NRG1: variants seen among roughly 807,000 people sequenced by gnomAD.
NRG1 encodes the protein neuregulin 1, also known as pro-neuregulin-1, membrane-bound isoform.
Under a neutral mutation model 63.8 loss-of-function variants are expected in NRG1, and 18 were observed. That is an observed-to-expected ratio of 0.28 (90% CI 0.19 to 0.42). The LOEUF (loss-of-function observed/expected upper bound fraction) is 0.42. NRG1 is among the 10% of genes least tolerant of loss of function. The probability of loss-of-function intolerance (pLI) is 1.00; values close to 1 mark genes in which losing one functional copy is unlikely to be tolerated. For synonymous variants in NRG1, 302 were observed against 301.3 expected (o/e 1.00, Z -0.02); for missense variants, 762 against 814.7 (o/e 0.94, Z 0.79).
intron 7 of NRG1, chr8:32,751,223 C>T (rs1336382354): frequency 6.6e-6 from 1 of 152,154 alleles, no homozygotes; most frequent in Non-Finnish European, 1.5e-5. Context: ...AACATTGCAT[C>T]CTTCAGGAAA....
chr8:32,304,015 T>C (rs529129123), intron 1 of NRG1, among the ~76,000 whole-genome samples: 1 of 152,358 alleles, frequency 6.6e-6, no homozygotes, highest in East Asian at 1.9e-4. Flanking sequence ...AGGAAGGTAA[T>C]GTTGACTACA....
intron 1 of NRG1, among the ~76,000 whole-genome samples, chr8:32,088,128 A>G (rs891526295): frequency 2.8e-4 from 43 of 152,180 alleles, no homozygotes; most frequent in Admixed American, 2.8e-3. Flanking sequence ...CTGAAAACCA[A>G]TGACACTTTG....
intron 1 of NRG1, among the ~76,000 whole-genome samples, chr8:32,422,095 A>G (rs1024953427): frequency 2.0e-5 from 3 of 152,176 alleles, no homozygotes; most frequent in African/African-American, 7.2e-5. Context: ...ACTATGCAAT[A>G]TATCCACATA....
intron 5 of NRG1, chr8:32,646,789 T>G: frequency 1.0e-6 from 1 of 984,996 alleles, no homozygotes; most frequent in Non-Finnish European, 1.2e-6. Flanking sequence ...TCCTTCTAAT[T>G]GGATAAAATA....
chr8:31,812,780 A>G (rs1823018321), intron 1 of NRG1, among the ~76,000 whole-genome samples: 1 of 152,172 alleles, frequency 6.6e-6, no homozygotes, highest in Non-Finnish European at 1.5e-5. Context: ...AAGGAGAGCA[A>G]CAGAAAAGGA....
chr8:32,056,853 TA>T (rs747275794), intron 1 of NRG1, among the ~76,000 whole-genome samples: 3 of 152,188 alleles, frequency 2.0e-5, no homozygotes, highest in African/African-American at 7.2e-5. Flanking sequence ...TAAAAAATGC[TA>T]AAAGCTGGAT....
At chr8:32,363,664 G>A (rs1390875464) in intron 1 of NRG1, among the ~76,000 whole-genome samples, 1 of 151,772 alleles carries the variant, frequency 6.6e-6, no homozygotes, top group East Asian at 1.9e-4. Flanking sequence ...ATCTCTCTTG[G>A]TACCTCTCTC....
chr8:32,328,027 A>G (rs1802211738), intron 1 of NRG1, among the ~76,000 whole-genome samples: 1 of 152,242 alleles, frequency 6.6e-6, no homozygotes, highest in Non-Finnish European at 1.5e-5. Context: ...GAATGAAACC[A>G]TCTTAGACCT....
intron 1 of NRG1, among the ~76,000 whole-genome samples, chr8:32,470,926 C>G (rs958343468): frequency 1.3e-5 from 2 of 152,072 alleles, no homozygotes; most frequent in Non-Finnish European, 2.9e-5. Flanking sequence ...CCTTCCTGAG[C>G]AGCTGGGACT....
chr8:32,575,725 T>C (rs1839502644), intron 1 of NRG1, among the ~76,000 whole-genome samples: 1 of 152,194 alleles, frequency 6.6e-6, no homozygotes, highest in Non-Finnish European at 1.5e-5. Flanking sequence ...ATGTAAGGCT[T>C]GAATGTTCTA....
chr8:32,128,365 G>A (rs1239551962), intron 1 of NRG1, among the ~76,000 whole-genome samples: 1 of 151,934 alleles, frequency 6.6e-6, no homozygotes, highest in African/African-American at 2.4e-5. Flanking sequence ...ATAATGGAGT[G>A]CACACATGGC....
At chr8:31,659,043 TTC>T (rs1805705659) in intron 1 of NRG1, among the ~76,000 whole-genome samples, 2 of 152,186 alleles carry the variant, frequency 1.3e-5, no homozygotes, top group South Asian at 4.1e-4. Context: ...CCAGGTCACC[TTC>T]AGATGTACCA....
At chr8:32,443,202 A>G (rs1400583555) in intron 1 of NRG1, among the ~76,000 whole-genome samples, 2 of 152,068 alleles carry the variant, frequency 1.3e-5, no homozygotes, top group African/African-American at 2.4e-5. Flanking sequence ...TTGGCTTCCC[A>G]AAGTGCTGGC....
chr8:32,214,618 G>A (rs1462364114), intron 1 of NRG1, among the ~76,000 whole-genome samples: 1 of 151,500 alleles, frequency 6.6e-6, no homozygotes, highest in African/African-American at 2.4e-5. Flanking sequence ...ATTCCATCCT[G>A]GGCAACAAAG....
At chr8:32,771,658 T>C (rs1475372696), downstream of NRG1, among the ~76,000 whole-genome samples, 4 of 147,866 alleles carry the variant, frequency 2.7e-5, no homozygotes, top group Non-Finnish European at 5.9e-5. Flanking sequence ...ACAGTATATC[T>C]GTTTGTCTTA....
chr8:32,401,894 G>C (rs779293307), intron 1 of NRG1, among the ~76,000 whole-genome samples: 1 of 152,012 alleles, frequency 6.6e-6, no homozygotes, highest in Non-Finnish European at 1.5e-5. Flanking sequence ...AATAAAAGTT[G>C]TTTGTTTGGT....
chr8:32,232,354 T>A (rs1847049370), intron 1 of NRG1, among the ~76,000 whole-genome samples: 1 of 152,222 alleles, frequency 6.6e-6, no homozygotes, highest in Non-Finnish European at 1.5e-5. Flanking sequence ...TGTTTTGTTT[T>A]GTTTCTCTGA....
intron 1 of NRG1, among the ~76,000 whole-genome samples, chr8:31,989,832 T>G (rs973616631): frequency 1.3e-5 from 2 of 152,076 alleles, no homozygotes; most frequent in African/African-American, 4.8e-5. Flanking sequence ...AAGAGTGGTT[T>G]GTGGTTGGAA....
intron 5 of NRG1, among the ~76,000 whole-genome samples, chr8:32,676,624 T>G (rs1807183561): frequency 6.6e-6 from 1 of 152,340 alleles, no homozygotes; most frequent in East Asian, 1.9e-4. Context: ...AATAGGATTT[T>G]GTAAACTTTA....
Sources: gnomAD v4.1 joint callset for allele counts (sites outside exome capture counted in the v4.1 genomes callset) on GRCh38, gnomAD v4.1.1 for gene constraint, MANE v1.5 for transcripts, NCBI Gene and HGNC (gene_info 2026-07-23, HGNC 2026-07-21) for gene names.